EVA1C: variants seen among roughly 807,000 people sequenced by gnomAD.
EVA1C encodes eva-1 homolog C.
A neutral mutation model predicts 45.4 loss-of-function variants in EVA1C; 25 were observed. The ratio of observed to expected loss-of-function variants is 0.55; its 90% CI spans 0.40 to 0.77. The LOEUF is 0.77. Among genes scored for constraint, EVA1C ranks in the 30% least tolerant of loss-of-function variants. The pLI is 0.00. For missense variants in EVA1C, 479 were observed against 554.8 expected (o/e 0.86, Z 1.37); for synonymous variants, 190 against 221.2 (o/e 0.86, Z 1.25).
intron 3 of EVA1C, 121 bp downstream of exon 3, chr21:32,457,841 T>C (rs1405429867): frequency 4.5e-6 from 5 of 1,102,094 alleles, no homozygotes; most frequent in East Asian, 2.6e-5. Context: ...AACAGACACA[T>C]TGGGCTCCAT....
At chr21:32,437,380 C>G (rs765560092) in intron 1 of EVA1C, among the ~76,000 whole-genome samples, 4 of 152,074 alleles carry the variant, frequency 2.6e-5, no homozygotes, top group East Asian at 1.9e-4. Context: ...ATTTCTCCCC[C>G]GGAGGACTGC....
chr21:32,506,489 C>A (rs1038124323), intron 7 of EVA1C, among the ~76,000 whole-genome samples: 5 of 151,784 alleles, frequency 3.3e-5, no homozygotes, highest in Non-Finnish European at 7.4e-5. Flanking sequence ...CATATAATGT[C>A]CAAGAGAAAG....
Position 32,514,948 on chromosome 21 carries a change from G to A in EVA1C, c.1084G>A (p.Val362Met). The change falls in exon 8 of 8, where the codon GTG becomes ATG. Residue 362 changes from valine (V) to methionine (M), a missense_variant. Around this residue, in one of 3 missense-constraint regions of EVA1C, gnomAD observed 366 missense variants for 426.1 expected, o/e 0.86. Transcript: ENST00000300255. The part of the protein sequence containing the change: ...RDLQLGREQL[V>M]PGSDKVEEDS... ...CTTGCAGCTGGGGAGGGAGCAGCTG[G>A]TGCCAGGAAGTGACAAGGTCGAGGA... 1 of 1,614,186 alleles carries A rather than the reference G, an allele frequency of 6.2e-7. No individual in the cohort carries two copies. Among genetic ancestry groups the A allele is most frequent in the Non-Finnish European group, 8.5e-7 (1 of 1,180,028 alleles).
intron 4 of EVA1C, among the ~76,000 whole-genome samples, chr21:32,476,767 G>T (rs1403955555): frequency 2.0e-5 from 3 of 152,152 alleles, no homozygotes. Context: ...GCTGCCCGAG[G>T]CCTGGCTGCC....
At chr21:32,415,245 C>T (rs897727669) in intron 1 of EVA1C, among the ~76,000 whole-genome samples, 3 of 152,268 alleles carry the variant, frequency 2.0e-5, no homozygotes, top group South Asian at 2.1e-4. Flanking sequence ...CCCTGCAGAG[C>T]CTGATCACAA....
Position 32,496,829 on chromosome 21 carries a change from G to A in EVA1C, c.778+1659G>A, listed in dbSNP as rs1166457234. 11 of 838,300 alleles carry A rather than the reference G, an allele frequency of 1.3e-5. No individual in the cohort carries two copies. In the Admixed American group the frequency reaches 1.5e-4, roughly 12 times the overall value. 51.9% of individuals were successfully genotyped at this position (838,300 alleles called of 1,614,324 possible). On this transcript the variant is annotated intron_variant, in intron 5 of 7. Transcript: ENST00000300255. The stretch of plus-strand genomic sequence containing the variant: ...GGAACGGAGTATATTCTAGTGAAAG[G>A]AGACCAGGTGACTGGCATAGTGACA...
At chr21:32,504,292 G>A (rs980030889) in intron 7 of EVA1C, among the ~76,000 whole-genome samples, 2 of 152,156 alleles carry the variant, frequency 1.3e-5, no homozygotes, top group Admixed American at 6.5e-5. Context: ...GTAGAAACCC[G>A]AGGAATGCAT....
At chr21:32,489,297 C>A (rs1253949125) in intron 4 of EVA1C, among the ~76,000 whole-genome samples, 1 of 152,168 alleles carries the variant, frequency 6.6e-6, no homozygotes, top group Non-Finnish European at 1.5e-5. Flanking sequence ...CAATTTCATT[C>A]TTTTTCATGT....
chr21:32,506,986 G>T (rs556222906), intron 7 of EVA1C, among the ~76,000 whole-genome samples: 17 of 152,290 alleles, frequency 1.1e-4, no homozygotes, highest in African/African-American at 4.1e-4. Flanking sequence ...CAAATGGAGT[G>T]AATCCAAAAG....
intron 6 of EVA1C, among the ~76,000 whole-genome samples, chr21:32,502,258 C>A (rs538769777): frequency 6.6e-6 from 1 of 152,048 alleles, no homozygotes. Flanking sequence ...ACCACCACAC[C>A]TGGCTAATTT....
intron 4 of EVA1C, among the ~76,000 whole-genome samples, chr21:32,488,760 G>A (rs538407223): frequency 1.1e-4 from 17 of 152,124 alleles, no homozygotes; most frequent in African/African-American, 3.9e-4. Context: ...TAATATTTGT[G>A]TTTTTAGTAG....
intron 4 of EVA1C, among the ~76,000 whole-genome samples, chr21:32,468,686 A>G (rs2036269851): frequency 6.6e-6 from 1 of 152,110 alleles, no homozygotes; most frequent in Non-Finnish European, 1.5e-5. Context: ...AGGCTAGGGC[A>G]GTCTCTCCTT....
chr21:32,444,316 C>G (rs577915982), intron 1 of EVA1C, among the ~76,000 whole-genome samples: 4 of 152,290 alleles, frequency 2.6e-5, no homozygotes, highest in African/African-American at 9.6e-5. Flanking sequence ...GCCCTTCTTC[C>G]CAGCAGTCAC....
intron 6 of EVA1C, among the ~76,000 whole-genome samples, chr21:32,503,312 G>A (rs1452410626): frequency 6.6e-6 from 1 of 152,212 alleles, no homozygotes; most frequent in Non-Finnish European, 1.5e-5. Flanking sequence ...TTGGGAGGCC[G>A]AGGCGGGCAG....
At chr21:32,470,764 C>CT (rs142166965) in intron 4 of EVA1C, among the ~76,000 whole-genome samples, 34,924 of 146,300 alleles carry the variant, frequency 0.24, 4,160 homozygotes, top group Admixed American at 0.3. Context: ...CTTTTTCTTT[C>CT]TTTTTTTTTT....
At chr21:32,499,494 C>T (rs1312269404) in intron 5 of EVA1C, among the ~76,000 whole-genome samples, 4 of 152,152 alleles carry the variant, frequency 2.6e-5, no homozygotes, top group East Asian at 1.9e-4. Flanking sequence ...GGCATGAAGG[C>T]GCCAGGGCCT....
intron 4 of EVA1C, among the ~76,000 whole-genome samples, chr21:32,476,373 G>A (rs2036564758): frequency 6.6e-6 from 1 of 152,136 alleles, no homozygotes; most frequent in Non-Finnish European, 1.5e-5. Flanking sequence ...CGGGCGTGGT[G>A]GCTCACGACT....
chr21:32,422,679 CA>C (rs1271872298), intron 1 of EVA1C, among the ~76,000 whole-genome samples: 1 of 152,016 alleles, frequency 6.6e-6, no homozygotes, highest in Non-Finnish European at 1.5e-5. Context: ...AACAAACAAA[CA>C]AAAAACAACC....
intron 2 of EVA1C, 56 bp from the exon 3 acceptor site, chr21:32,457,541 T>C: frequency 1.2e-6 from 2 of 1,611,480 alleles, no homozygotes; most frequent in Non-Finnish European, 1.7e-6. Flanking sequence ...GGTTCGGGTC[T>C]GGCAGTCACT....
Sources: allele counts gnomAD v4.1 joint callset (sites outside exome capture counted in the v4.1 genomes callset), GRCh38; gene constraint gnomAD v4.1.1; regional missense constraint gnomAD v4.1.1; transcripts MANE v1.5; gene names NCBI Gene and HGNC (gene_info 2026-07-23, HGNC 2026-07-21).